The following NRXN1 variants were observed in gnomAD, a reference collection of about 807,000 sequenced individuals.
NRXN1 encodes neurexin-1.
In NRXN1, 39 loss-of-function variants were observed where a neutral mutation model predicts 150.9. That is an observed-to-expected ratio of 0.26 (90% CI 0.20 to 0.34). The LOEUF (loss-of-function observed/expected upper bound fraction) is 0.34. Ranked by LOEUF, NRXN1 falls within the 10% of genes least tolerant of loss-of-function variation. NRXN1 has a pLI of 1.00. For missense variants in NRXN1, 1,815 were observed against 1,949.9 expected (o/e 0.93, Z 1.30); for synonymous variants, 924 against 757.0 (o/e 1.22, Z -3.62).
chr2:49,992,726 A>G (rs1682217650), intron 21 of NRXN1, among the ~76,000 whole-genome samples: 2 of 152,224 alleles, frequency 1.3e-5, no homozygotes, highest in Admixed American at 1.3e-4. Context: ...AAACTCAACA[A>G]TGATAAAACA....
intron 2 of NRXN1, among the ~76,000 whole-genome samples, chr2:50,974,913 T>C (rs1319839090): frequency 6.6e-6 from 1 of 152,090 alleles, no homozygotes; most frequent in Non-Finnish European, 1.5e-5. Flanking sequence ...TTCCCTTCCA[T>C]TGTATTTCAT....
intron 5 of NRXN1, among the ~76,000 whole-genome samples, chr2:50,677,420 C>A (rs1320899037): frequency 6.6e-6 from 1 of 152,118 alleles, no homozygotes; most frequent in Non-Finnish European, 1.5e-5. Flanking sequence ...TATTTCTTGA[C>A]ACTGTCTAAG....
At chr2:50,538,103 A>T in intron 10 of NRXN1, 150 bp downstream of exon 10, 2 of 787,414 alleles carry the variant, frequency 2.5e-6, no homozygotes, top group East Asian at 2.7e-5. Flanking sequence ...GCTCATTAGT[A>T]ATCCATGTCA....
At chr2:50,822,884 A>G (rs1021784974) in intron 5 of NRXN1, among the ~76,000 whole-genome samples, 4 of 152,186 alleles carry the variant, frequency 2.6e-5, no homozygotes, top group Non-Finnish European at 4.4e-5. Flanking sequence ...CTTTATTTAC[A>G]AAGTTATTGT....
chr2:50,686,756 C>T lies in NRXN1; in HGVS notation c.833-63141G>A, dbSNP rs72887530. Among the ~76,000 whole-genome samples, 753 of 152,222 alleles carry T rather than the reference C, an allele frequency of 4.9e-3. 11 individuals are homozygous for T. The highest frequency in any genetic ancestry group is 0.017 in the African/African-American group (710 of 41,520). Reference sequence around the variant, plus strand: ...AAAGGTAACGGGTAGAGACTGTTGCCAAGTCAATGAAGCAAAGACTTTCTC... The same window carrying T: ...AAAGGTAACGGGTAGAGACTGTTGCTAAGTCAATGAAGCAAAGACTTTCTC... On this transcript the variant is annotated intron_variant, in intron 5 of 22. Transcript: ENST00000401669.
chr2:50,086,462 T>C (rs771910055), intron 19 of NRXN1, among the ~76,000 whole-genome samples: 6 of 152,142 alleles, frequency 3.9e-5, no homozygotes, highest in Non-Finnish European at 7.4e-5. Context: ...ACACCATCTC[T>C]ATGGAGTCTT....
intron 10 of NRXN1, among the ~76,000 whole-genome samples, chr2:50,537,725 G>A (rs1184943494): frequency 2.6e-5 from 4 of 152,130 alleles, no homozygotes; most frequent in Non-Finnish European, 5.9e-5. Context: ...CACCTTAGAT[G>A]ATTGAAAGTC....
At chr2:50,388,096 T>G (rs2081441942) in intron 17 of NRXN1, among the ~76,000 whole-genome samples, 1 of 152,172 alleles carries the variant, frequency 6.6e-6, no homozygotes, top group South Asian at 2.1e-4. Context: ...AGGTACATGC[T>G]GAGTAAACCA....
At chr2:50,551,660 T>C (rs190792840) in intron 9 of NRXN1, among the ~76,000 whole-genome samples, 3 of 152,286 alleles carry the variant, frequency 2.0e-5, no homozygotes, top group Admixed American at 2.0e-4. Flanking sequence ...ATTTGATTTA[T>C]GTATGAGTAG....
chr2:50,224,548 C>T (rs1170727076), intron 18 of NRXN1, among the ~76,000 whole-genome samples: 1 of 151,918 alleles, frequency 6.6e-6, no homozygotes, highest in East Asian at 1.9e-4. Flanking sequence ...AGATGATTCA[C>T]TGATAGTACT....
intron 5 of NRXN1, among the ~76,000 whole-genome samples, chr2:50,651,981 G>A (rs1453854122): frequency 6.6e-6 from 1 of 152,016 alleles, no homozygotes; most frequent in East Asian, 1.9e-4. Flanking sequence ...GTGGCCACAG[G>A]GCACATACTG....
At chr2:50,664,862 CCTT>C (rs1311607811) in intron 5 of NRXN1, among the ~76,000 whole-genome samples, 4 of 151,388 alleles carry the variant, frequency 2.6e-5, no homozygotes, top group African/African-American at 7.3e-5. Flanking sequence ...CTATCTATCA[CCTT>C]CTTTGCAGAA....
At chr2:51,029,402 C>T (rs1671126916) in intron 1 of NRXN1, among the ~76,000 whole-genome samples, 1 of 152,164 alleles carries the variant, frequency 6.6e-6, no homozygotes, top group Non-Finnish European at 1.5e-5. Flanking sequence ...AGCCATGACA[C>T]CCTTGTAGTT....
intron 17 of NRXN1, among the ~76,000 whole-genome samples, chr2:50,400,349 C>T (rs2082315256): frequency 6.6e-6 from 1 of 152,058 alleles, no homozygotes; most frequent in African/African-American, 2.4e-5. Context: ...CACTTTCCAT[C>T]TTTTTTAAAT....
At chr2:50,439,142 G>T (rs1306189361) in intron 17 of NRXN1, among the ~76,000 whole-genome samples, 3 of 152,178 alleles carry the variant, frequency 2.0e-5, no homozygotes, top group Admixed American at 6.5e-5. Flanking sequence ...CAGACATGGT[G>T]ACTACAATAC....
chr2:50,745,294 T>C (rs1319332005), intron 5 of NRXN1, among the ~76,000 whole-genome samples: 1 of 122,852 alleles, frequency 8.1e-6, no homozygotes, highest in Non-Finnish European at 1.7e-5. Context: ...TTTATATTTA[T>C]ATCTGCCCCC....
chr2:50,996,030 T>C (rs917856945), intron 2 of NRXN1, among the ~76,000 whole-genome samples: 3 of 152,082 alleles, frequency 2.0e-5, no homozygotes, highest in African/African-American at 7.2e-5. Flanking sequence ...AGGGGAAAAG[T>C]CTTGCCTACG....
chr2:51,030,109 GA>G (rs998727792), intron 1 of NRXN1, among the ~76,000 whole-genome samples: 186 of 111,286 alleles, frequency 1.7e-3, no homozygotes, highest in South Asian at 0.015. Flanking sequence ...CATAATCACT[GA>G]TTTTTTTCCT....
chr2:50,073,813 T>C (rs890901845), intron 19 of NRXN1, among the ~76,000 whole-genome samples: 2 of 152,166 alleles, frequency 1.3e-5, no homozygotes, highest in Non-Finnish European at 2.9e-5. Context: ...GAAACAGATG[T>C]CATATAAGCT....
Sources: gnomAD v4.1 joint callset for allele counts (sites outside exome capture counted in the v4.1 genomes callset) on GRCh38, gnomAD v4.1.1 for gene constraint, MANE v1.5 for transcripts, NCBI Gene and HGNC (gene_info 2026-07-23, HGNC 2026-07-21) for gene names.